The following TMPRSS11E variants were observed in gnomAD, a reference collection of about 807,000 sequenced individuals.
TMPRSS11E encodes transmembrane protease serine 11E.
In TMPRSS11E, 38 loss-of-function variants were observed where a neutral mutation model predicts 48.1. The observed-to-expected ratio is 0.79, with a 90% CI of 0.61 to 1.04. TMPRSS11E has a LOEUF of 1.04. Among genes scored for constraint, TMPRSS11E ranks in the 50% least tolerant of loss-of-function variants. The pLI, the probability that TMPRSS11E is intolerant of heterozygous loss-of-function variation, is 0.00. For synonymous variants in TMPRSS11E, 158 were observed against 171.9 expected (o/e 0.92, Z 0.63); for missense variants, 530 against 510.8 (o/e 1.04, Z -0.36).
At chr4:68,480,978 C>T (rs150167210) in intron 9 of TMPRSS11E, among the ~76,000 whole-genome samples, 2 of 152,130 alleles carry the variant, frequency 1.3e-5, no homozygotes, top group African/African-American at 4.8e-5. Flanking sequence ...CAAGTAAGCC[C>T]CAGTATGTAT....
At chr4:68,464,471 A>G (rs554872766) in intron 2 of TMPRSS11E, among the ~76,000 whole-genome samples, 1 of 152,326 alleles carries the variant, frequency 6.6e-6, no homozygotes, top group East Asian at 1.9e-4. Context: ...TAGAATCACA[A>G]AACTGCTAGA....
At chr4:68,493,605 T>A (rs1412747109) in intron 9 of TMPRSS11E, among the ~76,000 whole-genome samples, 1 of 152,046 alleles carries the variant, frequency 6.6e-6, no homozygotes, top group Non-Finnish European at 1.5e-5. Flanking sequence ...TAGCTGAGAT[T>A]ACAGGCAACC....
At chr4:68,466,039 G>A (rs1470920) in intron 2 of TMPRSS11E, among the ~76,000 whole-genome samples, 17,757 of 152,156 alleles carry the variant, frequency 0.12, 1,183 homozygotes, top group Non-Finnish European at 0.14. Context: ...GCAGTGACAA[G>A]GGACCCAGGT....
chr4:68,483,684 G>T (rs567509094), intron 9 of TMPRSS11E, among the ~76,000 whole-genome samples: 1 of 152,256 alleles, frequency 6.6e-6, no homozygotes, highest in South Asian at 2.1e-4. Flanking sequence ...TGCTTTTAGG[G>T]TCTTTGTTAT....
At chr4:68,479,127 A>G in intron 9 of TMPRSS11E, 136 bp downstream of exon 9, 1 of 983,370 alleles carries the variant, frequency 1.0e-6, no homozygotes, top group Middle Eastern at 2.3e-4. Flanking sequence ...CAATGATTAC[A>G]TCTCACATAA....
chr4:68,465,564 G>A (rs138690478), intron 2 of TMPRSS11E, among the ~76,000 whole-genome samples: 3,316 of 152,226 alleles, frequency 0.022, 97 homozygotes, highest in African/African-American at 0.061. Flanking sequence ...TCTATTAAAT[G>A]TGGATAACAT....
At chr4:68,483,248 C>G (rs1051639699) in intron 9 of TMPRSS11E, among the ~76,000 whole-genome samples, 1 of 150,682 alleles carries the variant, frequency 6.6e-6, no homozygotes, top group Admixed American at 6.6e-5. Flanking sequence ...AAAGCAGGAG[C>G]GAGAGAGAGA....
At position 68,471,745 on chromosome 4, in the gene TMPRSS11E, T is replaced by A. The variant is rs1729077626; in HGVS notation, c.490+122T>A. 1.1e-5 allele frequency: 7 copies of A among 639,184 alleles called. No homozygotes were observed. In the South Asian group the frequency reaches 2.2e-4, roughly 20 times the overall value. The allele number at this position is 639,184 out of a possible 1,614,324, so 39.6% of individuals were successfully genotyped here. On this transcript the variant is annotated intron_variant, in intron 5 of 9. Coordinates refer to ENST00000305363, the MANE Select transcript of TMPRSS11E (RefSeq NM_014058.4). ...CTGGGGTCTTGCCACCAACAGTATA[T>A]TTCTTTGGAACTAAATTTGTCCTAA...
chr4:68,483,291 C>T (rs1425355203), intron 9 of TMPRSS11E, among the ~76,000 whole-genome samples: 1 of 152,102 alleles, frequency 6.6e-6, no homozygotes, highest in Non-Finnish European at 1.5e-5. Context: ...CACTTTTAAA[C>T]AACCAGATAT....
At chr4:68,470,577 C>G (rs564920067) in intron 4 of TMPRSS11E, among the ~76,000 whole-genome samples, 7 of 151,834 alleles carry the variant, frequency 4.6e-5, no homozygotes, top group Non-Finnish European at 1.0e-4. Flanking sequence ...AAATGCTGTG[C>G]CAGAGAAGAC....
rs144869043 is a variant in TMPRSS11E at position 68,478,895 on chromosome 4, C to T, written c.1014C>T (p.Asp338=). 3.2e-4 allele frequency: 509 copies of T among 1,613,954 alleles called. No homozygotes were observed. The highest frequency in any genetic ancestry group is 5.2e-4 in the Admixed American group (31 of 60,002). ...HLRQAQVTLI[D]ATTCNEPQAY... Reference sequence around the variant, plus strand: ...GACAAGCACAGGTGACTCTCATAGACGCTACAACTTGCAATGAACCTCAAG... The same window carrying T: ...GACAAGCACAGGTGACTCTCATAGATGCTACAACTTGCAATGAACCTCAAG... The change falls in exon 9 of 10, where the codon GAC becomes GAT. Residue 338 remains aspartate (D), a synonymous_variant. Coordinates refer to ENST00000305363, the MANE Select transcript of TMPRSS11E (RefSeq NM_014058.4).
At chr4:68,448,793 C>G (rs951206629) in intron 1 of TMPRSS11E, among the ~76,000 whole-genome samples, 2 of 151,762 alleles carry the variant, frequency 1.3e-5, no homozygotes, top group African/African-American at 2.4e-5. Context: ...AAACGTCTTC[C>G]TGATCTGAAG....
rs1363716890 is a variant in TMPRSS11E, at chr4:68,497,128, T to C, written c.*324T>C. ...AGAATTTTGACTTGTTGACATAAAT[T>C]TGTAATGCATATATACAATTTGAAG... is the stretch of plus-strand genomic sequence containing the variant. On this transcript the variant is annotated 3_prime_UTR_variant, in exon 10 of 10. Transcript: ENST00000305363. 5.0e-6 allele frequency: 1 copy of C among 200,500 alleles called. No homozygotes were observed. Among genetic ancestry groups the C allele is most frequent in the Non-Finnish European group, 9.9e-6 (1 of 100,646 alleles). The allele number at this position is 200,500 out of a possible 1,614,324, so 12.4% of individuals were successfully genotyped here.
At chr4:68,470,451 T>C (rs1376933325) in intron 4 of TMPRSS11E, among the ~76,000 whole-genome samples, 1 of 151,834 alleles carries the variant, frequency 6.6e-6, no homozygotes, top group Non-Finnish European at 1.5e-5. Flanking sequence ...TCAACTAGGA[T>C]ACTTGGGTTG....
intron 4 of TMPRSS11E, among the ~76,000 whole-genome samples, chr4:68,471,021 A>C (rs964637642): frequency 2.0e-5 from 3 of 152,004 alleles, no homozygotes; most frequent in Admixed American, 6.6e-5. Context: ...GTCTTTTTAT[A>C]TTAATAGCCA....
At chr4:68,468,087 A>C (rs1728971316) in intron 3 of TMPRSS11E, among the ~76,000 whole-genome samples, 1 of 152,116 alleles carries the variant, frequency 6.6e-6, no homozygotes, top group African/African-American at 2.4e-5. Context: ...GCTTTGTCTC[A>C]TAATTGCAAG....
chr4:68,474,281 A>G (rs979124321), intron 5 of TMPRSS11E, among the ~76,000 whole-genome samples: 12 of 152,138 alleles, frequency 7.9e-5, no homozygotes, highest in Admixed American at 2.0e-4. Context: ...TACAAATGGG[A>G]CTAGGCTTAT....
chr4:68,456,500 AT>A (rs1387136266), intron 1 of TMPRSS11E, among the ~76,000 whole-genome samples: 1 of 152,036 alleles, frequency 6.6e-6, no homozygotes, highest in Non-Finnish European at 1.5e-5. Context: ...CCATGCACGT[AT>A]ATATGATATT....
intron 9 of TMPRSS11E, among the ~76,000 whole-genome samples, chr4:68,493,587 C>A (rs1729789873): frequency 6.6e-6 from 1 of 152,082 alleles, no homozygotes; most frequent in South Asian, 2.1e-4. Flanking sequence ...TCGCCTCAGC[C>A]TCCTGAGTAG....
Sources: gnomAD v4.1 joint callset for allele counts (sites outside exome capture counted in the v4.1 genomes callset) on GRCh38, gnomAD v4.1.1 for gene constraint, MANE v1.5 for transcripts, NCBI Gene and HGNC (gene_info 2026-07-23, HGNC 2026-07-21) for gene names.